GALNT14: variants seen among roughly 807,000 people sequenced by gnomAD.
GALNT14 encodes polypeptide N-acetylgalactosaminyltransferase 14, also known as UDP-GalNAc:polypeptide N-acetylgalactosaminyltransferase 14.
A neutral mutation model predicts 77.5 loss-of-function variants in GALNT14; 60 were observed. The observed-to-expected ratio is 0.77, with a 90% CI of 0.63 to 0.96. GALNT14 has a LOEUF of 0.96. Ranked by LOEUF, GALNT14 falls within the 40% of genes least tolerant of loss-of-function variation. The pLI is 0.00. For missense variants in GALNT14, 710 were observed against 731.0 expected (o/e 0.97, Z 0.33); for synonymous variants, 280 against 281.7 (o/e 0.99, Z 0.06).
chr2:30,968,216 GAA>G (rs1251685903), intron 2 of GALNT14, among the ~76,000 whole-genome samples: 1 of 152,202 alleles, frequency 6.6e-6, no homozygotes, highest in Non-Finnish European at 1.5e-5. Context: ...CATTGATAGA[GAA>G]AGGGAGAAAG....
At chr2:30,926,406 C>G (rs1042638229) in intron 11 of GALNT14, among the ~76,000 whole-genome samples, 1 of 152,054 alleles carries the variant, frequency 6.6e-6, no homozygotes, top group African/African-American at 2.4e-5. Flanking sequence ...TAGGAGCGAA[C>G]GTCATGAGTT....
At chr2:31,027,548 C>T (rs1672143916) in intron 1 of GALNT14, among the ~76,000 whole-genome samples, 1 of 152,074 alleles carries the variant, frequency 6.6e-6, no homozygotes, top group Admixed American at 6.5e-5. Context: ...AAAAGATCCT[C>T]GACAAAAGGG....
intron 1 of GALNT14, among the ~76,000 whole-genome samples, chr2:31,053,028 G>A (rs1481574253): frequency 3.3e-5 from 5 of 152,022 alleles, no homozygotes; most frequent in African/African-American, 9.7e-5. Flanking sequence ...CACTCAGCCC[G>A]GCCTAACCCT....
At chr2:31,113,882 G>A (rs759045833) in intron 1 of GALNT14, among the ~76,000 whole-genome samples, 6 of 152,182 alleles carry the variant, frequency 3.9e-5, no homozygotes, top group Non-Finnish European at 7.3e-5. Flanking sequence ...CAGTACAACA[G>A]TGGGCCTTAA....
intron 1 of GALNT14, among the ~76,000 whole-genome samples, chr2:31,070,317 C>T (rs1311723645): frequency 6.6e-6 from 1 of 152,210 alleles, no homozygotes. Flanking sequence ...AGAAAGGGGA[C>T]CACGTAGGTC....
At chr2:31,085,626 C>T (rs914175130) in intron 1 of GALNT14, among the ~76,000 whole-genome samples, 5 of 152,238 alleles carry the variant, frequency 3.3e-5, no homozygotes, top group African/African-American at 1.2e-4. Context: ...CCTTCTCCTC[C>T]GGTATCTCCC....
intron 1 of GALNT14, among the ~76,000 whole-genome samples, chr2:31,128,879 C>T (rs1678832063): frequency 6.6e-6 from 1 of 152,100 alleles, no homozygotes; most frequent in African/African-American, 2.4e-5. Flanking sequence ...CAAAGTCCTC[C>T]AGACCCTCTG....
intron 3 of GALNT14, among the ~76,000 whole-genome samples, chr2:30,964,887 G>A (rs972673517): frequency 6.6e-6 from 1 of 152,146 alleles, no homozygotes; most frequent in Non-Finnish European, 1.5e-5. Flanking sequence ...ACAGCCATGC[G>A]GCGGCGGGAG....
chr2:30,921,939 T>A (rs1253848065), intron 13 of GALNT14, among the ~76,000 whole-genome samples: 2 of 152,050 alleles, frequency 1.3e-5, no homozygotes, highest in Non-Finnish European at 2.9e-5. Flanking sequence ...AGCTCAAATG[T>A]CAAGAGTGCT....
chr2:31,025,828 G>C (rs1558503832), intron 1 of GALNT14, among the ~76,000 whole-genome samples: 1 of 152,166 alleles, frequency 6.6e-6, no homozygotes, highest in Non-Finnish European at 1.5e-5. Flanking sequence ...ACTCCAACCA[G>C]AGTTGAGTGC....
At chr2:31,077,225 G>A (rs1443824275) in intron 1 of GALNT14, among the ~76,000 whole-genome samples, 2 of 152,216 alleles carry the variant, frequency 1.3e-5, no homozygotes, top group Non-Finnish European at 2.9e-5. Context: ...CAAGGTCACA[G>A]AAGTGAGTAT....
chr2:31,101,914 A>G (rs1312057256), intron 1 of GALNT14, among the ~76,000 whole-genome samples: 1 of 152,158 alleles, frequency 6.6e-6, no homozygotes, highest in African/African-American at 2.4e-5. Flanking sequence ...ATGGTTTTAT[A>G]AGGGGCTTCC....
At chr2:31,032,739 G>A (rs551785995) in intron 1 of GALNT14, among the ~76,000 whole-genome samples, 13 of 152,278 alleles carry the variant, frequency 8.5e-5, no homozygotes, top group African/African-American at 3.1e-4. Context: ...AGCGATCAAG[G>A]TCAACTGCGC....
chr2:30,941,903 G>C lies in GALNT14; in HGVS notation c.931+298C>G, dbSNP rs574957936. ...CTTGGTGCTCCTCCTTGGTCTTCCT[G>C]GCTGTTGCATCTCAGCTTTCCCCTA... On this transcript the variant is annotated intron_variant, in intron 9 of 14. Coordinates refer to ENST00000349752, the MANE Select transcript of GALNT14 (RefSeq NM_024572.4). Among the ~76,000 whole-genome samples, 486 of 152,274 alleles carry C rather than the reference G, an allele frequency of 3.2e-3. 3 individuals are homozygous for C. The highest frequency in any genetic ancestry group is 4.9e-3 in the Non-Finnish European group (330 of 68,030).
Position 31,048,210 on chromosome 2 carries a change from G to GTA in GALNT14, c.130-55205_130-55204dup, listed in dbSNP as rs1183989307. On this transcript the variant is annotated intron_variant, in intron 1 of 14. Coordinates refer to ENST00000349752, the MANE Select transcript of GALNT14 (RefSeq NM_024572.4). ...CCCCATCACCTGCAAGGACCACCAG[G>GTA]TATATGTTTTTCCCACACCAGGATT... Among the ~76,000 whole-genome samples the GTA allele has an allele frequency of 6.6e-5, 10 of 152,332 alleles. No homozygotes were observed. In the East Asian group the frequency reaches 1.9e-3, roughly 29 times the overall value.
At chr2:30,899,481 T>G in the GALNT14 span, among the ~76,000 whole-genome samples, 142 of 152,246 alleles carry the variant, frequency 9.3e-4, 1 homozygote, top group African/African-American at 3.2e-3. Context: ...TGCTCCTTCC[T>G]GCAGAGTGAG....
intron 3 of GALNT14, among the ~76,000 whole-genome samples, chr2:30,964,417 C>A (rs765981153): frequency 2.6e-5 from 4 of 152,218 alleles, no homozygotes; most frequent in Non-Finnish European, 4.4e-5. Context: ...ACAGGAGACC[C>A]AGGAGAATTG....
intron 1 of GALNT14, among the ~76,000 whole-genome samples, chr2:31,053,536 C>G (rs749302653): frequency 1.3e-5 from 2 of 152,030 alleles, no homozygotes; most frequent in African/African-American, 2.4e-5. Flanking sequence ...ATCAAGACCA[C>G]TCTTCAAAAT....
intron 1 of GALNT14, among the ~76,000 whole-genome samples, chr2:31,079,595 C>A (rs995745094): frequency 6.6e-6 from 1 of 152,176 alleles, no homozygotes; most frequent in Non-Finnish European, 1.5e-5. Context: ...CAGCCTGCTG[C>A]CACCAGACCT....
Sources: gnomAD v4.1 joint callset for allele counts (sites outside exome capture counted in the v4.1 genomes callset) on GRCh38, gnomAD v4.1.1 for gene constraint, MANE v1.5 for transcripts, NCBI Gene and HGNC (gene_info 2026-07-23, HGNC 2026-07-21) for gene names.